UNC80: variants seen among roughly 807,000 people sequenced by gnomAD.
UNC80 encodes the protein protein unc-80 homolog.
Under a neutral mutation model 384.6 loss-of-function variants are expected in UNC80, and 164 were observed. That is an observed-to-expected ratio of 0.43 (90% CI 0.38 to 0.49). The LOEUF (loss-of-function observed/expected upper bound fraction) is 0.49, where lower values mean the gene tolerates loss of function less well. Ranked by LOEUF, UNC80 falls within the 20% of genes least tolerant of loss-of-function variation. The probability of loss-of-function intolerance (pLI) is 0.00; values close to 1 mark genes in which losing one functional copy is unlikely to be tolerated. For missense variants in UNC80, 3,330 were observed against 4,143.0 expected (o/e 0.80, Z 5.39); for synonymous variants, 1,486 against 1,527.8 (o/e 0.97, Z 0.64).
intron 9 of UNC80, among the ~76,000 whole-genome samples, chr2:209,815,606 G>A (rs56353405): frequency 0.05 from 7,644 of 152,158 alleles, 284 homozygotes; most frequent in Non-Finnish European, 0.074. Context: ...TGCTCCACAG[G>A]GTTGTCATGA....
In UNC80 at chr2:209,922,149, T is replaced by C. The variant is rs1171769460; in HGVS notation, c.5531-103T>C. The C allele has an allele frequency of 3.1e-6, 4 of 1,310,894 alleles. No individual in the cohort carries two copies. The East Asian group carries it at 1.0e-4, about 33-fold the overall frequency. The allele number at this position is 1,310,894 out of a possible 1,614,324, so 81.2% of individuals were successfully genotyped here. On this transcript the variant is annotated intron_variant, in intron 34 of 64. Transcript: ENST00000673920. ...AAGTACACTCAAAATTATTTAAGCC[T>C]TATGGTCTGAGAGCAGTATGCATTT...
chr2:209,957,586 T>C, intron 48 of UNC80, 58 bp from the exon 49 acceptor site: 1 of 1,405,074 alleles, frequency 7.1e-7, no homozygotes, highest in Non-Finnish European at 9.8e-7. Flanking sequence ...ATTTAATAAA[T>C]GTTTCCATTT....
intron 64 of UNC80, 80 bp downstream of exon 64, chr2:209,994,344 C>A: frequency 1.5e-6 from 2 of 1,301,374 alleles, no homozygotes; most frequent in African/African-American, 1.5e-5. Flanking sequence ...CACATTTATT[C>A]CATATAATTA....
intron 2 of UNC80, 95 bp from the exon 3 acceptor site, chr2:209,775,794 C>A: frequency 7.8e-7 from 1 of 1,276,516 alleles, no homozygotes; most frequent in African/African-American, 1.5e-5. Context: ...CAGTACCTTG[C>A]TGTTCATTTT....
chr2:209,924,033 A>C (rs1193277735), intron 35 of UNC80, among the ~76,000 whole-genome samples: 2 of 152,062 alleles, frequency 1.3e-5, no homozygotes, highest in African/African-American at 2.4e-5. Flanking sequence ...TTTATATAAC[A>C]TAACATTATA....
intron 40 of UNC80, among the ~76,000 whole-genome samples, 188 bp downstream of exon 40, chr2:209,935,996 C>T (rs2091219243): frequency 6.6e-6 from 1 of 152,174 alleles, no homozygotes; most frequent in Non-Finnish European, 1.5e-5. Flanking sequence ...CCCACTTCTA[C>T]TGACTTTAGT....
chr2:209,900,859 GATCAA>G (rs2087318023), intron 28 of UNC80, among the ~76,000 whole-genome samples: 1 of 152,184 alleles, frequency 6.6e-6, no homozygotes, highest in Non-Finnish European at 1.5e-5. Flanking sequence ...CTGGACAGAA[GATCAA>G]ACCAGCCACA....
At chr2:209,929,757 A>G in intron 36 of UNC80, 114 bp from the exon 37 acceptor site, 1 of 724,712 alleles carries the variant, frequency 1.4e-6, no homozygotes, top group South Asian at 2.1e-5. Flanking sequence ...AAAAGAGTTC[A>G]CAGAGCCTTT....
Position 209,820,474 on chromosome 2 carries a change from A to T in UNC80, c.2126A>T (p.Lys709Met), listed in dbSNP as rs1323872973. 1 of 1,551,744 alleles carries T rather than the reference A, an allele frequency of 6.4e-7. No homozygotes were observed. The highest frequency in any genetic ancestry group is 8.7e-7 in the Non-Finnish European group (1 of 1,147,020). ...AACAAGGAAAATGAGACCTTGGAAAAGAGGCCAAGTGAGGGAGCTTTCCAA... is the reference window on the plus strand; with the variant it reads ...AACAAGGAAAATGAGACCTTGGAAATGAGGCCAAGTGAGGGAGCTTTCCAA... ...SENKENETLE[K>M]RPSEGAFQFK... Residue 709 changes from lysine to methionine, a missense_variant, in exon 13 of 65, where the codon AAG (lysine) becomes ATG (methionine). Physicochemically the swap from Lys to Met is moderately conservative, Grantham distance 95 (BLOSUM62 -1). Transcript: ENST00000673920.
At chr2:209,786,408 G>A (rs1350707727) in intron 5 of UNC80, among the ~76,000 whole-genome samples, 2 of 152,178 alleles carry the variant, frequency 1.3e-5, no homozygotes, top group African/African-American at 4.8e-5. Context: ...CTGTGCCTCA[G>A]CTTCCTCATC....
At chr2:209,776,561 ACAAAGTGAGACTCCGTCT>A (rs1166375032) in intron 3 of UNC80, among the ~76,000 whole-genome samples, 1 of 152,220 alleles carries the variant, frequency 6.6e-6, no homozygotes, top group Non-Finnish European at 1.5e-5. Flanking sequence ...AGCCTAGGTG[ACAAAGTGAGACTCCGTCT>A]CAAAAACAAA....
At chr2:209,993,621 C>T (rs182023398) in intron 63 of UNC80, among the ~76,000 whole-genome samples, 195 bp downstream of exon 63, 10 of 152,266 alleles carry the variant, frequency 6.6e-5, no homozygotes, top group Non-Finnish European at 1.5e-4. Flanking sequence ...TCTGTACCCC[C>T]ATGAACCTAT....
At chr2:209,860,517 T>C (rs1434461161) in intron 22 of UNC80, among the ~76,000 whole-genome samples, 4 of 152,178 alleles carry the variant, frequency 2.6e-5, no homozygotes, top group Non-Finnish European at 1.5e-5. Flanking sequence ...CTTAGGATTG[T>C]CTTGGCTATA....
rs1446536466 is a variant in UNC80, at chr2:209,978,718, T to C, written c.9118+10T>C. 3 of 1,519,378 alleles carry C rather than the reference T, an allele frequency of 2.0e-6. No homozygotes were observed. In the East Asian group the frequency reaches 7.5e-5, roughly 38 times the overall value. 94.1% of individuals were successfully genotyped at this position (1,519,378 alleles called of 1,614,324 possible). ...GAGGAAGATGAGGAAAGTAGGTCAT[T>C]CCAGAGAATCTGGGCAGTAGACATG... On this transcript the variant is annotated intron_variant, in intron 59 of 64. Transcript: ENST00000673920.
At chr2:209,910,669 T>TC (rs1389210846) in intron 29 of UNC80, among the ~76,000 whole-genome samples, 2 of 150,742 alleles carry the variant, frequency 1.3e-5, no homozygotes, top group African/African-American at 4.9e-5. Context: ...TTTTTTTTTT[T>TC]TGGTGTGCTG....
At chr2:209,779,849 G>T (rs1257800506) in intron 4 of UNC80, among the ~76,000 whole-genome samples, 1 of 152,204 alleles carries the variant, frequency 6.6e-6, no homozygotes, top group Admixed American at 6.5e-5. Flanking sequence ...ATATAGGAGT[G>T]CCCAGGGTGG....
At chr2:209,811,799 C>T (rs1460604300) in intron 7 of UNC80, among the ~76,000 whole-genome samples, 1 of 152,096 alleles carries the variant, frequency 6.6e-6, no homozygotes. Context: ...TACCTCAATC[C>T]ATCAGACAAT....
rs1050811428 is a variant in UNC80 at position 209,976,634 on chromosome 2, T to C, written c.8773-279T>C. Among the ~76,000 whole-genome samples, 1 of 148,136 alleles carries C rather than the reference T, an allele frequency of 6.8e-6. No homozygotes were observed. Among genetic ancestry groups the C allele is most frequent in the African/African-American group, 2.7e-5 (1 of 37,658 alleles). ...TATCTTCAGTGACATGACTGAGATC[T>C]GATTTTAAATAAACATAAGAAAAAC... is the stretch of plus-strand genomic sequence containing the variant. On this transcript the variant is annotated intron_variant, in intron 57 of 64. Coordinates refer to ENST00000673920, the MANE Select transcript of UNC80 (RefSeq NM_001371986.1). This position sits in a 1 kb window ranked among gnomAD's most constrained non-coding sequence, Gnocchi z 4.3.
intron 25 of UNC80, among the ~76,000 whole-genome samples, chr2:209,885,095 A>AG (rs780692281): frequency 1.3e-5 from 2 of 152,066 alleles, no homozygotes; most frequent in Non-Finnish European, 2.9e-5. Flanking sequence ...GAAAAAAAAA[A>AG]CACTGGATTT....
Sources: gnomAD v4.1 joint callset for allele counts (sites outside exome capture counted in the v4.1 genomes callset) on GRCh38, gnomAD v4.1.1 for gene constraint, Gnocchi (gnomAD v3.1) non-coding constraint, MANE v1.5 for transcripts, NCBI Gene and HGNC (gene_info 2026-07-23, HGNC 2026-07-21) for gene names.